Variants in ANO10 observed in about 807,000 individuals in gnomAD.
ANO10 encodes anoctamin-10.
In ANO10, 77 loss-of-function variants were observed where a neutral mutation model predicts 74.7. That is an observed-to-expected ratio of 1.03 (90% CI 0.86 to 1.25). The LOEUF (loss-of-function observed/expected upper bound fraction) is 1.25, where lower values mean the gene tolerates loss of function less well. Ranked by LOEUF, ANO10 falls within the 50% of genes most tolerant of loss-of-function variation. ANO10 has a pLI of 0.00. For missense variants in ANO10, 721 were observed against 778.1 expected, an observed-to-expected ratio of 0.93 and a Z score of 0.87; for synonymous variants, 279 against 284.9, an observed-to-expected ratio of 0.98 and a Z score of 0.21.
At chr3:43,512,249 T>A (rs190831764) in intron 11 of ANO10, among the ~76,000 whole-genome samples, 4 of 152,132 alleles carry the variant, frequency 2.6e-5, no homozygotes, top group Admixed American at 2.6e-4. Context: ...TGAGAACAAC[T>A]CTAGGCACAG....
At chr3:43,442,366 T>C (rs918044348) in intron 11 of ANO10, among the ~76,000 whole-genome samples, 7 of 151,766 alleles carry the variant, frequency 4.6e-5, no homozygotes, top group African/African-American at 1.7e-4. Context: ...CAAAAATCAG[T>C]TACATTTCTA....
At chr3:43,440,185 T>G (rs1479097828) in intron 11 of ANO10, among the ~76,000 whole-genome samples, 1 of 152,082 alleles carries the variant, frequency 6.6e-6, no homozygotes, top group Non-Finnish European at 1.5e-5. Context: ...ACGGCAATTG[T>G]AAGTCTGCTC....
chr3:43,518,730 T>C (rs1164924112), intron 11 of ANO10, among the ~76,000 whole-genome samples: 1 of 152,142 alleles, frequency 6.6e-6, no homozygotes, highest in Non-Finnish European at 1.5e-5. Context: ...CGGTCTCCTG[T>C]AGTGCCCCCA....
At chr3:43,440,520 T>C (rs1295719868) in intron 11 of ANO10, among the ~76,000 whole-genome samples, 2 of 145,890 alleles carry the variant, frequency 1.4e-5, no homozygotes, top group African/African-American at 2.4e-5. Context: ...ATTATAATTG[T>C]ATATGCATCT....
chr3:43,659,904 G>C (rs978424677), intron 1 of ANO10, among the ~76,000 whole-genome samples: 4 of 152,156 alleles, frequency 2.6e-5, no homozygotes, highest in Non-Finnish European at 2.9e-5. Flanking sequence ...AGCAATATTT[G>C]CTGTTCTGCA....
intron 7 of ANO10, among the ~76,000 whole-genome samples, chr3:43,566,920 A>G (rs2080387290): frequency 6.6e-6 from 1 of 152,194 alleles, no homozygotes; most frequent in African/African-American, 2.4e-5. Context: ...AAGGCAAAGA[A>G]GTTGAAAACT....
At chr3:43,496,090 G>T (rs1285591133) in intron 11 of ANO10, among the ~76,000 whole-genome samples, 1 of 152,110 alleles carries the variant, frequency 6.6e-6, no homozygotes, top group Non-Finnish European at 1.5e-5. Context: ...TTGGGAAAAT[G>T]ATCTCACTGT....
chr3:43,548,073 T>A (rs2079281313), intron 11 of ANO10, among the ~76,000 whole-genome samples: 1 of 152,204 alleles, frequency 6.6e-6, no homozygotes, highest in African/African-American at 2.4e-5. Flanking sequence ...TAATAACCAA[T>A]CCACCTTCAC....
At chr3:43,604,579 C>G (rs1478035930) in intron 2 of ANO10, among the ~76,000 whole-genome samples, 1 of 151,504 alleles carries the variant, frequency 6.6e-6, no homozygotes, top group Non-Finnish European at 1.5e-5. Context: ...GTCAATTTAA[C>G]AGGAGGTTGG....
At chr3:43,667,007 T>C (rs1011642499) in intron 1 of ANO10, among the ~76,000 whole-genome samples, 4 of 151,610 alleles carry the variant, frequency 2.6e-5, no homozygotes, top group Admixed American at 6.6e-5. Context: ...AGGGAACATA[T>C]AGTTGGATCT....
intron 12 of ANO10, among the ~76,000 whole-genome samples, 199 bp from the exon 13 acceptor site, chr3:43,367,173 G>A (rs978988297): frequency 2.0e-5 from 3 of 152,196 alleles, no homozygotes; most frequent in Admixed American, 6.5e-5. Flanking sequence ...ATGCAATGTC[G>A]CACTGTGTGA....
Position 43,600,526 on chromosome 3 carries a change from T to G in ANO10, c.195A>C (p.Glu65Asp). The change falls in exon 3 of 13, where the codon GAA becomes GAC. Residue 65 changes from glutamate to aspartate, a missense_variant. By Grantham distance (45) the Glu-to-Asp change is conservative (BLOSUM62 2). Transcript: ENST00000292246. ...LLNKYEQETL[E>D]NQNLYLVGAS... ...CACCAACAAGATATAAGTTCTGATTTTCTAGTGTTTCTTGTTCATATTTAT... is the reference window on the plus strand; with the variant it reads ...CACCAACAAGATATAAGTTCTGATTGTCTAGTGTTTCTTGTTCATATTTAT... 6.2e-7 allele frequency: 1 copy of G among 1,613,860 alleles called. No individual in the cohort carries two copies. The highest frequency in any genetic ancestry group is 8.5e-7 in the Non-Finnish European group (1 of 1,179,742).
At position 43,580,432 on chromosome 3, in the gene ANO10, A is replaced by T; in HGVS notation, c.513T>A (p.Phe171Leu). The change falls in exon 5 of 13, where the codon TTT becomes TTA. Residue 171 changes from phenylalanine to leucine, a missense_variant. Transcript: ENST00000292246. The stretch of plus-strand genomic sequence containing the variant: ...TCAGGGCTTCACTGTCATGCAGTGG[A>T]AACACCTGAATCACGATGCCAGACG... ...LLTSGIVIQV[F>L]PLHDSEALKK... 1.9e-6 allele frequency: 3 copies of T among 1,614,090 alleles called. No individual in the cohort carries two copies. The South Asian group carries it at 3.3e-5, about 18-fold the overall frequency.
rs139932436 is a variant in ANO10 at position 43,598,575 on chromosome 3, G to T, written c.429C>A (p.Ile143=). 1.2e-6 allele frequency: 2 copies of T among 1,612,866 alleles called. No individual in the cohort carries two copies. Among genetic ancestry groups the T allele is most frequent in the South Asian group, 2.2e-5 (2 of 90,960 alleles). ...ACAACTTTGCCTGAGGGTAACCAGG[G>T]ATCATTTTTTCATCTTTAGCTCTAA... ...ENLRAKDEKM[I]PGYPQAKLYP... The change falls in exon 4 of 13, where the codon ATC becomes ATA. Residue 143 remains isoleucine (I), a synonymous_variant. Coordinates refer to ENST00000292246, the MANE Select transcript of ANO10 (RefSeq NM_018075.5).
chr3:43,506,323 C>T (rs1028481888), intron 11 of ANO10, among the ~76,000 whole-genome samples: 2 of 152,100 alleles, frequency 1.3e-5, no homozygotes, highest in Admixed American at 6.6e-5. Flanking sequence ...ATGCACAACC[C>T]AACCACTTTG....
In ANO10 at chr3:43,372,936, T is replaced by C. The variant is rs1258284743; in HGVS notation, c.1915-5962A>G. On this transcript the variant is annotated intron_variant, in intron 12 of 12. Transcript: ENST00000292246. Reference sequence around the variant, plus strand: ...GTGAAGCCTCTTTTTTTCATGCGTATGAAAGAGAAAAGCCTCTTTTCTCAT... The same window carrying C: ...GTGAAGCCTCTTTTTTTCATGCGTACGAAAGAGAAAAGCCTCTTTTCTCAT... The C allele has an allele frequency of 1.1e-5, 14 of 1,305,782 alleles. No individual in the cohort carries two copies. In the East Asian group the frequency reaches 3.3e-4, roughly 31 times the overall value. 80.9% of individuals were successfully genotyped at this position (1,305,782 alleles called of 1,614,324 possible).
intron 12 of ANO10, among the ~76,000 whole-genome samples, chr3:43,398,981 C>T (rs1308792476): frequency 6.6e-6 from 1 of 152,156 alleles, no homozygotes; most frequent in Non-Finnish European, 1.5e-5. Flanking sequence ...GCGTGCGACA[C>T]CATGCCCAGC....
At chr3:43,689,713 A>C (rs1279046508) in intron 1 of ANO10, among the ~76,000 whole-genome samples, 1 of 152,190 alleles carries the variant, frequency 6.6e-6, no homozygotes, top group Non-Finnish European at 1.5e-5. Flanking sequence ...AGAACCTGAG[A>C]GCTAGATGGG....
At chr3:43,455,242 G>A (rs550712413) in intron 11 of ANO10, among the ~76,000 whole-genome samples, 9 of 152,114 alleles carry the variant, frequency 5.9e-5, no homozygotes, top group Non-Finnish European at 5.9e-5. Flanking sequence ...ACAGTCATGT[G>A]GAAGGGCAGG....
Sources: gnomAD v4.1 joint callset for allele counts (sites outside exome capture counted in the v4.1 genomes callset) on GRCh38, gnomAD v4.1.1 for gene constraint, MANE v1.5 for transcripts, NCBI Gene and HGNC (gene_info 2026-07-23, HGNC 2026-07-21) for gene names.